Variants in ENTREP2 observed in about 807,000 individuals in gnomAD.
ENTREP2 encodes the protein protein ENTREP2.
chr15:29,340,283 G>A, the ENTREP2 span, among the ~76,000 whole-genome samples: 1 of 152,200 alleles, frequency 6.6e-6, no homozygotes, highest in South Asian at 2.1e-4. Context: ...GCCCAGTTTA[G>A]GAGGTATCAG....
At chr15:29,571,910 G>A in the ENTREP2 span, among the ~76,000 whole-genome samples, 4 of 152,124 alleles carry the variant, frequency 2.6e-5, no homozygotes, top group African/African-American at 9.7e-5. Flanking sequence ...ACGTGAAAAG[G>A]CAAAGTTCAG....
the ENTREP2 span, among the ~76,000 whole-genome samples, chr15:29,272,907 T>C: frequency 4.6e-5 from 7 of 152,056 alleles, no homozygotes; most frequent in Non-Finnish European, 8.8e-5. Context: ...TACTCCATGG[T>C]TGGTGGTCTT....
At chr15:29,632,964 A>T in the ENTREP2 span, among the ~76,000 whole-genome samples, 1 of 152,258 alleles carries the variant, frequency 6.6e-6, no homozygotes, top group South Asian at 2.1e-4. Flanking sequence ...GACAAGTTGC[A>T]TGAGGATGAG....
chr15:29,547,679 G>T, the ENTREP2 span, among the ~76,000 whole-genome samples: 4 of 152,124 alleles, frequency 2.6e-5, no homozygotes, highest in Admixed American at 2.0e-4. Context: ...AAAACAATTT[G>T]TCTGTTCCTC....
the ENTREP2 span, among the ~76,000 whole-genome samples, chr15:29,358,502 A>C: frequency 6.6e-6 from 1 of 152,322 alleles, no homozygotes; most frequent in South Asian, 2.1e-4. Context: ...TGGAGTGGGC[A>C]GCTTACACTT....
chr15:29,131,886 C>G, the ENTREP2 span, among the ~76,000 whole-genome samples: 1 of 100,022 alleles, frequency 1.0e-5, no homozygotes, highest in South Asian at 4.2e-4. Context: ...GAAACTCACT[C>G]CTTGAACACT....
At chr15:29,124,475 C>T in the ENTREP2 span, among the ~76,000 whole-genome samples, 1 of 152,188 alleles carries the variant, frequency 6.6e-6, no homozygotes, top group African/African-American at 2.4e-5. Flanking sequence ...GCTGAGCAGT[C>T]ACAGGTGTGT....
At chr15:29,219,614 A>AATATAT in the ENTREP2 span, among the ~76,000 whole-genome samples, 1,164 of 37,412 alleles carry the variant, frequency 0.031, 113 homozygotes, top group Non-Finnish European at 0.039. Context: ...GTGGTGCATA[A>AATATAT]ATATATATAT....
chr15:29,221,552 C>G, the ENTREP2 span, among the ~76,000 whole-genome samples: 2 of 152,150 alleles, frequency 1.3e-5, no homozygotes, highest in Non-Finnish European at 2.9e-5. Context: ...CAAGCCTCCT[C>G]TTGAACAGGA....
At chr15:29,376,918 C>A in the ENTREP2 span, 2 of 152,386 alleles carry the variant, frequency 1.3e-5, no homozygotes, top group East Asian at 3.9e-4. Flanking sequence ...GCCTGCAGGG[C>A]GAATGGAGTG....
At chr15:29,365,250 C>CTTTTTTTTTTTTTTTTTTTTTTTT in the ENTREP2 span, among the ~76,000 whole-genome samples, 1 of 142,014 alleles carries the variant, frequency 7.0e-6, no homozygotes, top group Non-Finnish European at 1.5e-5. Context: ...TAGCTCATTT[C>CTTTTTTTTTTTTTTTTTTTTTTTT]TTTTTTTTTT....
At chr15:29,140,020 G>A in the ENTREP2 span, among the ~76,000 whole-genome samples, 4 of 152,194 alleles carry the variant, frequency 2.6e-5, no homozygotes, top group East Asian at 7.7e-4. Flanking sequence ...CGGCCTGCGG[G>A]GCGAGGAGGG....
At chr15:29,188,877 C>G in the ENTREP2 span, among the ~76,000 whole-genome samples, 15 of 152,258 alleles carry the variant, frequency 9.9e-5, no homozygotes, top group Admixed American at 7.8e-4. Context: ...AATAAAAGTC[C>G]CTGAACGGAG....
At chr15:29,361,182 G>GA in the ENTREP2 span, among the ~76,000 whole-genome samples, 2 of 152,184 alleles carry the variant, frequency 1.3e-5, no homozygotes, top group Non-Finnish European at 2.9e-5. Flanking sequence ...GATTCAGTCT[G>GA]AATCAGTCTT....
chr15:29,661,935 G>C, the ENTREP2 span, among the ~76,000 whole-genome samples: 141 of 152,222 alleles, frequency 9.3e-4, no homozygotes, highest in African/African-American at 3.2e-3. Context: ...AATGCGCCAG[G>C]CATGGTGTAT....
chr15:29,179,152 C>A, the ENTREP2 span, among the ~76,000 whole-genome samples: 1 of 152,174 alleles, frequency 6.6e-6, no homozygotes, highest in South Asian at 2.1e-4. Context: ...AATAAATACT[C>A]TTCAGGCTAG....
At chr15:29,475,890 C>T in the ENTREP2 span, among the ~76,000 whole-genome samples, 1 of 152,330 alleles carries the variant, frequency 6.6e-6, no homozygotes. Context: ...GGTGACAGGT[C>T]TCCTACTTCC....
the ENTREP2 span, among the ~76,000 whole-genome samples, chr15:29,138,607 GTGTT>G: frequency 5.3e-5 from 6 of 112,846 alleles, no homozygotes; most frequent in South Asian, 2.7e-4. Context: ...ATGTATGTGT[GTGTT>G]TGTATGTATG....
chr15:29,336,141 CAAAAA>C, the ENTREP2 span, among the ~76,000 whole-genome samples: 17 of 77,564 alleles, frequency 2.2e-4, no homozygotes, highest in South Asian at 3.7e-3. Flanking sequence ...GACTCCGTCT[CAAAAA>C]AAAAAAAAAA....
Sources: gnomAD v4.1 joint callset for allele counts (sites outside exome capture counted in the v4.1 genomes callset) on GRCh38, gnomAD v4.1.1 for gene constraint, MANE v1.5 for transcripts, NCBI Gene and HGNC (gene_info 2026-07-23, HGNC 2026-07-21) for gene names.